Variants in TBC1D15 observed in about 807,000 individuals in gnomAD.
TBC1D15 encodes GAP for RAB7.
TBC1D15 carries 39 observed loss-of-function variants against 95.4 expected under a neutral mutation model. The observed-to-expected ratio is 0.41, with a 90% CI of 0.32 to 0.53. TBC1D15 has a LOEUF of 0.53. Among genes scored for constraint, TBC1D15 ranks in the 20% least tolerant of loss-of-function variants. The pLI is 0.29. For missense variants in TBC1D15, 733 were observed against 794.3 expected (o/e 0.92, Z 0.93); for synonymous variants, 258 against 261.3 (o/e 0.99, Z 0.12).
intron 5 of TBC1D15, among the ~76,000 whole-genome samples, chr12:71,888,127 G>C (rs58195042): frequency 6.6e-6 from 1 of 152,140 alleles, no homozygotes; most frequent in Admixed American, 6.6e-5. Flanking sequence ...TTCATGTTTC[G>C]TGAGAGTAGC....
chr12:71,884,503 G>C (rs1229007536), intron 4 of TBC1D15, among the ~76,000 whole-genome samples: 1 of 152,132 alleles, frequency 6.6e-6, no homozygotes, highest in Non-Finnish European at 1.5e-5. Context: ...TAGTAAGATG[G>C]TAGTGCTGCA....
rs534349927 is a variant in TBC1D15, at chr12:71,846,859, C to G, written c.30+7048C>G. Among the ~76,000 whole-genome samples the G allele has an allele frequency of 1.3e-4, 19 of 148,662 alleles. No homozygotes were observed. The South Asian group carries it at 3.6e-3, about 29-fold the overall frequency. On this transcript the variant is annotated intron_variant, in intron 1 of 16. Transcript: ENST00000485960. ...TACTGCAGCCTCCGCCTCCTGGGCT[C>G]TAGTGATCCTCCCACTTCAGCCTCC...
chr12:71,849,685 C>T, intron 1 of TBC1D15: 1 of 554,298 alleles, frequency 1.8e-6, no homozygotes, highest in Non-Finnish European at 3.4e-6. Flanking sequence ...ATCTCCTCTG[C>T]ATGGTCAGTC....
intron 1 of TBC1D15, among the ~76,000 whole-genome samples, chr12:71,857,502 GTAAT>G (rs1306968170): frequency 2.6e-5 from 4 of 152,120 alleles, no homozygotes; most frequent in South Asian, 2.1e-4. Flanking sequence ...TCATGACAGA[GTAAT>G]TAAGAAATAT....
In TBC1D15 at chr12:71,844,733, G is replaced by A. The variant is rs538289173; in HGVS notation, c.30+4922G>A. 3.3e-5 allele frequency among the ~76,000 whole-genome samples: 5 copies of A among 152,256 alleles called. No individual in the cohort carries two copies. The South Asian group carries it at 6.2e-4, about 19-fold the overall frequency. ...GCTCTGTACCTGGCACATGGTAGGCGTTTACTGTATATTTATTGAAGAAGT... is the reference window on the plus strand; with the variant it reads ...GCTCTGTACCTGGCACATGGTAGGCATTTACTGTATATTTATTGAAGAAGT... On this transcript the variant is annotated intron_variant, in intron 1 of 16. Coordinates refer to ENST00000485960, the MANE Select transcript of TBC1D15 (RefSeq NM_001146213.3).
At chr12:71,896,829 C>A in intron 9 of TBC1D15, 49 bp downstream of exon 9, 1 of 1,454,774 alleles carries the variant, frequency 6.9e-7, no homozygotes, top group Non-Finnish European at 9.5e-7. Flanking sequence ...AAGTAACCCA[C>A]TCATACAAAT....
intron 1 of TBC1D15, among the ~76,000 whole-genome samples, chr12:71,870,308 A>G (rs1892395214): frequency 6.6e-6 from 1 of 152,032 alleles, no homozygotes; most frequent in Admixed American, 6.6e-5. Flanking sequence ...ATTCTTATGC[A>G]TATTTTTGTA....
intron 1 of TBC1D15, among the ~76,000 whole-genome samples, chr12:71,855,435 G>A (rs1888811176): frequency 1.3e-5 from 2 of 151,926 alleles, no homozygotes; most frequent in African/African-American, 4.8e-5. Context: ...CACAGCTTAG[G>A]TTAAAAAATA....
chr12:71,917,791 T>C lies in TBC1D15; in HGVS notation c.1495T>C (p.Tyr499His), dbSNP rs1216446959. The C allele has an allele frequency of 6.2e-7, 1 of 1,608,484 alleles. No homozygotes were observed. Among genetic ancestry groups the C allele is most frequent in the Non-Finnish European group, 8.5e-7 (1 of 1,175,556 alleles). ...LRLLDSGFCS[Y>H]LESQDSGYLY... ...ATTGTTAGACAGTGGATTTTGCAGTTACTTAGGTAAGTTTAGTGAATCAGA... is the reference window on the plus strand; with the variant it reads ...ATTGTTAGACAGTGGATTTTGCAGTCACTTAGGTAAGTTTAGTGAATCAGA... Residue 499 changes from tyrosine to histidine, a missense_variant, in exon 13 of 17, where the codon TAC becomes CAC. Tyr to His is a moderately conservative substitution (Grantham distance 83, BLOSUM62 2). Coordinates refer to ENST00000485960, the MANE Select transcript of TBC1D15 (RefSeq NM_001146213.3).
intron 3 of TBC1D15, among the ~76,000 whole-genome samples, chr12:71,878,883 GA>G (rs1894546143): frequency 6.6e-6 from 1 of 151,516 alleles, no homozygotes; most frequent in Non-Finnish European, 1.5e-5. Context: ...GGAACTGGAA[GA>G]AAAAACAATC....
At chr12:71,883,791 C>T (rs1402797362) in intron 4 of TBC1D15, among the ~76,000 whole-genome samples, 1 of 152,030 alleles carries the variant, frequency 6.6e-6, no homozygotes, top group Non-Finnish European at 1.5e-5. Context: ...ACACGACTTG[C>T]TTATGTTGGA....
At chr12:71,854,656 C>T (rs1171677109) in intron 1 of TBC1D15, 1 of 456,404 alleles carries the variant, frequency 2.2e-6, no homozygotes, top group East Asian at 6.9e-5. Context: ...AGGTCATCAT[C>T]ATATACATAG....
chr12:71,844,426 T>TA, intron 1 of TBC1D15, among the ~76,000 whole-genome samples: 1 of 152,350 alleles, frequency 6.6e-6, no homozygotes, highest in South Asian at 2.1e-4. Flanking sequence ...GTATAAAATA[T>TA]ATCCTCTGCT....
intron 1 of TBC1D15, among the ~76,000 whole-genome samples, chr12:71,867,641 T>C (rs1891771790): frequency 6.6e-6 from 1 of 152,208 alleles, no homozygotes; most frequent in Non-Finnish European, 1.5e-5. Context: ...AAAGTGTTCA[T>C]TAAAAACAAA....
chr12:71,883,698 A>T (rs1171218455), intron 4 of TBC1D15, among the ~76,000 whole-genome samples: 1 of 152,176 alleles, frequency 6.6e-6, no homozygotes, highest in Non-Finnish European at 1.5e-5. Context: ...ATGGGACAGA[A>T]TTAATAAAGG....
At chr12:71,895,907 G>A (rs762780513) in intron 7 of TBC1D15, 40 bp from the exon 8 acceptor site, 2 of 1,585,060 alleles carry the variant, frequency 1.3e-6, no homozygotes, top group East Asian at 4.5e-5. Context: ...TCATTTCACT[G>A]GTTAAATATG....
At chr12:71,881,001 C>T (rs912454045) in intron 4 of TBC1D15, among the ~76,000 whole-genome samples, 3 of 152,200 alleles carry the variant, frequency 2.0e-5, no homozygotes, top group Non-Finnish European at 4.4e-5. Context: ...TTGCTGGACT[C>T]TTCATGGCTC....
At chr12:71,904,312 G>A (rs1900153283) in intron 10 of TBC1D15, among the ~76,000 whole-genome samples, 1 of 152,200 alleles carries the variant, frequency 6.6e-6, no homozygotes, top group Non-Finnish European at 1.5e-5. Flanking sequence ...TGATGGATTG[G>A]TGCATGTGAT....
intron 10 of TBC1D15, among the ~76,000 whole-genome samples, chr12:71,899,386 T>C (rs6582065): frequency 0.18 from 26,697 of 152,196 alleles, 3,635 homozygotes; most frequent in African/African-American, 0.38. Flanking sequence ...AGTTTTATAG[T>C]TCAGACTCAT....
Sources: allele counts gnomAD v4.1 joint callset (sites outside exome capture counted in the v4.1 genomes callset), GRCh38; gene constraint gnomAD v4.1.1; transcripts MANE v1.5; gene names NCBI Gene and HGNC (gene_info 2026-07-23, HGNC 2026-07-21).